Variants in SFMBT1 observed in about 807,000 individuals in gnomAD.
The protein encoded by SFMBT1 is scm-like with four MBT domains protein 1.
In SFMBT1, 32 loss-of-function variants were observed where a neutral mutation model predicts 108.7. The ratio of observed to expected loss-of-function variants is 0.29; its 90% CI spans 0.22 to 0.40. The LOEUF (loss-of-function observed/expected upper bound fraction) is 0.40. Ranked by LOEUF, SFMBT1 falls within the 10% of genes least tolerant of loss-of-function variation. The pLI, the probability that SFMBT1 is intolerant of heterozygous loss-of-function variation, is 1.00. For missense variants in SFMBT1, 816 were observed against 1,059.6 expected, an observed-to-expected ratio of 0.77 and a Z score of 3.19; for synonymous variants, 348 against 369.5, an observed-to-expected ratio of 0.94 and a Z score of 0.67.
Position 53,044,019 on chromosome 3 carries a change from G to T in SFMBT1, c.-131+1797C>A, listed in dbSNP as rs147484664. Among the ~76,000 whole-genome samples, 1,167 of 152,268 alleles carry T rather than the reference G, an allele frequency of 7.7e-3. 16 individuals are homozygous for T. Among genetic ancestry groups the T allele is most frequent in the African/African-American group, 0.027 (1,122 of 41,540 alleles). ...TGTTCCATATCTTGATCTGAGTGTGGTTATCAGGGCATATACATATATAAA... is the reference window on the plus strand; with the variant it reads ...TGTTCCATATCTTGATCTGAGTGTGTTTATCAGGGCATATACATATATAAA... On this transcript the variant is annotated intron_variant, in intron 1 of 20. Transcript: ENST00000394752.
chr3:52,938,988 T>C (rs748482166), intron 4 of SFMBT1, among the ~76,000 whole-genome samples: 1 of 152,254 alleles, frequency 6.6e-6, no homozygotes, highest in Non-Finnish European at 1.5e-5. Context: ...TTTGGCTAGA[T>C]ATAAAATCCC....
In SFMBT1 at chr3:53,008,069, C is replaced by CAA. The variant is rs11403096; in HGVS notation, c.-131+37745_-131+37746dup. 6.0e-4 allele frequency among the ~76,000 whole-genome samples: 86 copies of CAA among 142,360 alleles called. 1 individual carries two copies. Among genetic ancestry groups the CAA allele is most frequent in the Middle Eastern group, 3.6e-3 (1 of 278 alleles). The allele number at this position is 142,360 out of a possible 152,430, so 93.4% of individuals were successfully genotyped here. ...AATCCTTTTGCTTGCCCCACCCCCG[C>CAA]AAAAAAAAAAAAAGGCGGTGGGGAA... is the stretch of plus-strand genomic sequence containing the variant. On this transcript the variant is annotated intron_variant, in intron 1 of 20. Coordinates refer to ENST00000394752, the MANE Select transcript of SFMBT1 (RefSeq NM_016329.4).
intron 1 of SFMBT1, among the ~76,000 whole-genome samples, chr3:53,032,975 T>C (rs923200668): frequency 6.6e-6 from 1 of 152,026 alleles, no homozygotes; most frequent in African/African-American, 2.4e-5. Context: ...TCTGATAGAA[T>C]ACAAGAAAAT....
chr3:52,941,593 CAAAAAAAAAA>C (rs145581859), intron 4 of SFMBT1, among the ~76,000 whole-genome samples: 10 of 64,034 alleles, frequency 1.6e-4, no homozygotes, highest in Admixed American at 2.5e-4. Flanking sequence ...GACTCTGTTT[CAAAAAAAAAA>C]AAAAAAAAAA....
At chr3:52,952,822 G>C (rs922339769) in intron 3 of SFMBT1, among the ~76,000 whole-genome samples, 2 of 152,142 alleles carry the variant, frequency 1.3e-5, no homozygotes, top group South Asian at 2.1e-4. Flanking sequence ...TATAAATTTT[G>C]GGAGGGCACA....
rs187513798 is a variant in SFMBT1 at position 52,978,332 on chromosome 3, G to C, written c.-130-9074C>G. ...TAGGAATAGCAGGGAGGCCAGGGTA[G>C]TTGGTGCCAAGTAAGCAAGCAAGAA... On this transcript the variant is annotated intron_variant, in intron 1 of 20. Transcript: ENST00000394752. 2.3e-3 allele frequency among the ~76,000 whole-genome samples: 345 copies of C among 152,248 alleles called. 1 individual carries two copies. The highest frequency in any genetic ancestry group is 7.3e-3 in the African/African-American group (304 of 41,544).
intron 1 of SFMBT1, among the ~76,000 whole-genome samples, chr3:52,975,548 T>A (rs1200199343): frequency 1.3e-5 from 2 of 152,046 alleles, no homozygotes; most frequent in African/African-American, 4.8e-5. Context: ...GAACCAAAAT[T>A]AGCTAAACGT....
intron 1 of SFMBT1, among the ~76,000 whole-genome samples, chr3:52,984,726 CTGTGTGTGTGTGTGTGTGTGTGTG>C (rs57308874): frequency 5.0e-5 from 7 of 140,198 alleles, no homozygotes; most frequent in Non-Finnish European, 9.2e-5. Context: ...ATACTAAATA[CTGTGTGTGTGTGTGTGTGTGTGTG>C]TGTGTGTGTG....
chr3:53,039,298 C>A (rs71301804), intron 1 of SFMBT1, among the ~76,000 whole-genome samples: 12,790 of 152,228 alleles, frequency 0.084, 567 homozygotes, highest in East Asian at 0.12. Flanking sequence ...AAAAAAAATT[C>A]TGACACATGC....
At chr3:52,961,816 G>T (rs1703968252) in intron 2 of SFMBT1, among the ~76,000 whole-genome samples, 1 of 152,186 alleles carries the variant, frequency 6.6e-6, no homozygotes, top group African/African-American at 2.4e-5. Flanking sequence ...AACTTAACAA[G>T]GCTGGGCATT....
At chr3:52,952,702 C>A (rs1703634575) in intron 3 of SFMBT1, among the ~76,000 whole-genome samples, 1 of 152,168 alleles carries the variant, frequency 6.6e-6, no homozygotes, top group African/African-American at 2.4e-5. Context: ...TCTCTCAAGC[C>A]TCCTTTATAA....
At chr3:53,001,935 A>T (rs879317104) in intron 1 of SFMBT1, among the ~76,000 whole-genome samples, 3,998 of 138,396 alleles carry the variant, frequency 0.029, 308 homozygotes, top group Non-Finnish European at 0.044. Flanking sequence ...TCACACACAC[A>T]CACACACACA....
intron 14 of SFMBT1, among the ~76,000 whole-genome samples, chr3:52,915,331 G>A (rs2106770520): frequency 6.6e-6 from 1 of 152,314 alleles, no homozygotes; most frequent in Admixed American, 6.5e-5. Context: ...GTTTCAGTAG[G>A]CATTCGAATG....
chr3:53,004,287 T>G (rs116780938), intron 1 of SFMBT1, among the ~76,000 whole-genome samples: 6,533 of 145,248 alleles, frequency 0.045, 552 homozygotes, highest in Non-Finnish European at 0.069. Flanking sequence ...CTCCTCTCTT[T>G]CTTTTAGATG....
rs561259154 is a variant in SFMBT1 at position 52,978,728 on chromosome 3, A to T, written c.-130-9470T>A. ...ACAAATCAAATGTATCAACCAATTA[A>T]TGGTTAAGTAAAATGTAATATATCT... On this transcript the variant is annotated intron_variant, in intron 1 of 20. Coordinates refer to ENST00000394752, the MANE Select transcript of SFMBT1 (RefSeq NM_016329.4). 5.9e-5 allele frequency among the ~76,000 whole-genome samples: 9 copies of T among 152,352 alleles called. No individual in the cohort carries two copies. In the South Asian group the frequency reaches 1.9e-3, roughly 32 times the overall value.
intron 1 of SFMBT1, among the ~76,000 whole-genome samples, chr3:53,031,596 TAA>T (rs11386672): frequency 6.8e-6 from 1 of 147,434 alleles, no homozygotes. Flanking sequence ...TATAACACTG[TAA>T]AAAAAAAAAA....
At chr3:52,987,303 T>C (rs1203040090) in intron 1 of SFMBT1, among the ~76,000 whole-genome samples, 2 of 152,234 alleles carry the variant, frequency 1.3e-5, no homozygotes, top group African/African-American at 4.8e-5. Flanking sequence ...TGATCAAGTA[T>C]TATGTACTGT....
intron 1 of SFMBT1, among the ~76,000 whole-genome samples, chr3:52,985,626 T>C (rs769433882): frequency 5.0e-4 from 76 of 152,314 alleles, no homozygotes; most frequent in Non-Finnish European, 8.8e-4. Flanking sequence ...AATGAGGATA[T>C]GTTCTGAGAA....
At chr3:52,929,544 G>A (rs927343586) in intron 8 of SFMBT1, among the ~76,000 whole-genome samples, 4 of 152,152 alleles carry the variant, frequency 2.6e-5, no homozygotes, top group African/African-American at 9.7e-5. Flanking sequence ...CGGCCAAAGA[G>A]ATAACTTTAT....
Sources: allele counts gnomAD v4.1 joint callset (sites outside exome capture counted in the v4.1 genomes callset), GRCh38; gene constraint gnomAD v4.1.1; transcripts MANE v1.5; gene names NCBI Gene and HGNC (gene_info 2026-07-23, HGNC 2026-07-21).